THSD7B: variants seen among roughly 807,000 people sequenced by gnomAD.
THSD7B encodes thrombospondin type 1 domain containing 7B.
Under a neutral mutation model 213.6 loss-of-function variants are expected in THSD7B, and 138 were observed. The ratio of observed to expected loss-of-function variants is 0.65; its 90% CI spans 0.56 to 0.74. The LOEUF is 0.74. Among genes scored for constraint, THSD7B ranks in the 30% least tolerant of loss-of-function variants. THSD7B has a pLI of 0.00. For missense variants in THSD7B, 1,931 were observed against 1,991.5 expected (o/e 0.97, Z 0.58); for synonymous variants, 742 against 687.0 (o/e 1.08, Z -1.25).
chr2:137,271,388 T>A lies in THSD7B; in HGVS notation c.2267-1145T>A, dbSNP rs1187774155. 1.4e-5 allele frequency among the ~76,000 whole-genome samples: 2 copies of A among 139,554 alleles called. 1 individual carries two copies. The highest frequency in any genetic ancestry group is 5.4e-4 in the East Asian group (2 of 3,708). 91.6% of individuals were successfully genotyped at this position (139,554 alleles called of 152,430 possible). ...ATGGCTTCATTCATATATATATATA[T>A]TATGAATTATATATATATGAATTAT... On this transcript the variant is annotated intron_variant, in intron 10 of 27. Coordinates refer to ENST00000409968, the MANE Select transcript of THSD7B (RefSeq NM_001316349.2).
intron 21 of THSD7B, among the ~76,000 whole-genome samples, chr2:137,649,445 G>T (rs1048695966): frequency 2.1e-4 from 32 of 152,208 alleles, no homozygotes; most frequent in African/African-American, 7.0e-4. Flanking sequence ...ATTTTGATTT[G>T]ATTTTCTTGT....
chr2:137,405,787 G>A lies in THSD7B; in HGVS notation c.2675G>A (p.Ser892Asn). 1.2e-6 allele frequency: 2 copies of A among 1,612,522 alleles called. No homozygotes were observed. Among genetic ancestry groups the A allele is most frequent in the Non-Finnish European group, 1.7e-6 (2 of 1,179,222 alleles). The stretch of plus-strand genomic sequence containing the variant: ...TCCACGAACTGTGAAGCCACAAAAA[G>A]TAGGCGGCGACAGCTCACAGGTATA... ...PCSTNCEATK[S>N]RRRQLTGKSR... The change falls in exon 13 of 28, where the codon AGT becomes AAT. Residue 892 changes from serine (S) to asparagine (N), a missense_variant. By Grantham distance (46) the Ser-to-Asn change is conservative. Transcript: ENST00000409968.
At chr2:137,244,169 G>A (rs890222294) in intron 10 of THSD7B, among the ~76,000 whole-genome samples, 3 of 152,182 alleles carry the variant, frequency 2.0e-5, no homozygotes, top group Admixed American at 1.3e-4. Flanking sequence ...TAATCATAAT[G>A]TACCTAAAAA....
chr2:136,960,885 C>G (rs1685205200), intron 2 of THSD7B, among the ~76,000 whole-genome samples: 1 of 151,538 alleles, frequency 6.6e-6, no homozygotes, highest in Non-Finnish European at 1.5e-5. Flanking sequence ...GTCAGGAGAT[C>G]AAGACCATCC....
In THSD7B at chr2:137,567,424, C is replaced by G. The variant is rs189967137; in HGVS notation, c.3272+4070C>G. ...TCAAGTGATCTGCCACCCTGCCTGG[C>G]CTCTTATTTACATTTGAAAAGAGCC... On this transcript the variant is annotated intron_variant, in intron 16 of 27. Transcript: ENST00000409968. 2.5e-3 allele frequency among the ~76,000 whole-genome samples: 374 copies of G among 152,072 alleles called. 4 individuals are homozygous for G. Among genetic ancestry groups the G allele is most frequent in the African/African-American group, 8.4e-3 (348 of 41,454 alleles).
At chr2:137,435,179 A>C (rs544978608) in intron 14 of THSD7B, among the ~76,000 whole-genome samples, 1 of 152,276 alleles carries the variant, frequency 6.6e-6, no homozygotes, top group East Asian at 1.9e-4. Context: ...CATTCCATTT[A>C]AGTTGCAGTT....
chr2:136,812,282 G>T (rs1682387863), intron 1 of THSD7B, among the ~76,000 whole-genome samples: 1 of 152,140 alleles, frequency 6.6e-6, no homozygotes, highest in African/African-American at 2.4e-5. Flanking sequence ...TTACCATGTT[G>T]TTTGCATAGT....
intron 15 of THSD7B, among the ~76,000 whole-genome samples, chr2:137,560,829 C>A (rs1344924149): frequency 2.0e-5 from 3 of 152,016 alleles, no homozygotes; most frequent in Non-Finnish European, 4.4e-5. Flanking sequence ...CACCACTGCC[C>A]AGCCCCAAAC....
At chr2:137,331,581 G>T (rs1262329413) in intron 12 of THSD7B, among the ~76,000 whole-genome samples, 1 of 152,228 alleles carries the variant, frequency 6.6e-6, no homozygotes, top group Admixed American at 6.5e-5. Flanking sequence ...AGGTGGAGCT[G>T]CCTGCCAGTC....
chr2:137,347,165 C>A (rs1306790215), intron 12 of THSD7B, among the ~76,000 whole-genome samples: 1 of 151,526 alleles, frequency 6.6e-6, no homozygotes, highest in South Asian at 2.1e-4. Flanking sequence ...GATGAGAAAG[C>A]ACAAAAAATT....
intron 12 of THSD7B, among the ~76,000 whole-genome samples, chr2:137,282,175 T>G (rs1683039153): frequency 6.6e-6 from 1 of 152,114 alleles, no homozygotes; most frequent in Non-Finnish European, 1.5e-5. Flanking sequence ...CATTTTTTCA[T>G]GTGTTTTTTG....
intron 15 of THSD7B, among the ~76,000 whole-genome samples, chr2:137,471,032 C>T (rs1573644505): frequency 6.6e-6 from 1 of 150,804 alleles, no homozygotes; most frequent in African/African-American, 2.4e-5. Context: ...TGATTCTCCT[C>T]TCTCAGCCTC....
chr2:137,080,694 C>A (rs1189624075), intron 3 of THSD7B, among the ~76,000 whole-genome samples: 2 of 151,678 alleles, frequency 1.3e-5, no homozygotes, highest in African/African-American at 2.4e-5. Flanking sequence ...TTTACATTTT[C>A]TCTCTCTTCT....
At chr2:137,123,730 C>T (rs953801287) in intron 5 of THSD7B, among the ~76,000 whole-genome samples, 3 of 152,056 alleles carry the variant, frequency 2.0e-5, no homozygotes, top group Non-Finnish European at 2.9e-5. Context: ...AAGCTGTAAA[C>T]GACAACTTTT....
chr2:137,460,028 G>A (rs1687854244), intron 15 of THSD7B, among the ~76,000 whole-genome samples: 1 of 152,238 alleles, frequency 6.6e-6, no homozygotes, highest in Non-Finnish European at 1.5e-5. Flanking sequence ...AGTTGACTTA[G>A]CCTACCCTTT....
intron 16 of THSD7B, among the ~76,000 whole-genome samples, chr2:137,569,935 T>A (rs1391823496): frequency 6.6e-6 from 1 of 152,052 alleles, no homozygotes; most frequent in Non-Finnish European, 1.5e-5. Context: ...CCTCTTCTTT[T>A]TCAGTGAAAT....
intron 26 of THSD7B, among the ~76,000 whole-genome samples, chr2:137,664,019 T>G (rs1683401918): frequency 6.6e-6 from 1 of 151,960 alleles, no homozygotes; most frequent in Admixed American, 6.6e-5. Context: ...ACCTGACTAA[T>G]TTTTTTGTAT....
chr2:136,849,387 C>G (rs2104962123), intron 1 of THSD7B, among the ~76,000 whole-genome samples: 1 of 152,230 alleles, frequency 6.6e-6, no homozygotes, highest in Non-Finnish European at 1.5e-5. Context: ...GAACGCTAGT[C>G]TTTTTGCCAT....
chr2:137,565,441 C>A (rs1241562496), intron 16 of THSD7B, among the ~76,000 whole-genome samples: 2 of 152,014 alleles, frequency 1.3e-5, no homozygotes, highest in African/African-American at 4.8e-5. Flanking sequence ...AAGAATGAGC[C>A]AAGCTTGCTT....
Sources: allele counts gnomAD v4.1 joint callset (sites outside exome capture counted in the v4.1 genomes callset), GRCh38; gene constraint gnomAD v4.1.1; transcripts MANE v1.5; gene names NCBI Gene and HGNC (gene_info 2026-07-23, HGNC 2026-07-21).